The following GRID1 variants were observed in gnomAD, a reference collection of about 807,000 sequenced individuals.
GRID1 encodes the protein glutamate ionotropic receptor delta type subunit 1.
In GRID1, 28 loss-of-function variants were observed where a neutral mutation model predicts 98.0. The ratio of observed to expected loss-of-function variants is 0.29; its 90% CI spans 0.21 to 0.39. The LOEUF (loss-of-function observed/expected upper bound fraction) is 0.39, where lower values mean the gene tolerates loss of function less well. Among genes scored for constraint, GRID1 ranks in the 10% least tolerant of loss-of-function variants. The probability of loss-of-function intolerance (pLI) is 1.00; values close to 1 mark genes in which losing one functional copy is unlikely to be tolerated. For synonymous variants in GRID1, 553 were observed against 538.5 expected, an observed-to-expected ratio of 1.03 and a Z score of -0.37; for missense variants, 1,111 against 1,340.5, an observed-to-expected ratio of 0.83 and a Z score of 2.67.
At chr10:86,293,615 C>A (rs1847547022) in intron 2 of GRID1, among the ~76,000 whole-genome samples, 1 of 152,204 alleles carries the variant, frequency 6.6e-6, no homozygotes, top group Non-Finnish European at 1.5e-5. Context: ...CACAAAGCAA[C>A]CTGCTGCTTC....
At chr10:86,194,063 G>T (rs1442831005) in intron 3 of GRID1, among the ~76,000 whole-genome samples, 1 of 152,050 alleles carries the variant, frequency 6.6e-6, no homozygotes, top group Non-Finnish European at 1.5e-5. Flanking sequence ...GCCAGAACAA[G>T]GTCTGTTCTC....
chr10:86,243,120 G>A (rs908772037), intron 2 of GRID1, among the ~76,000 whole-genome samples: 2 of 152,184 alleles, frequency 1.3e-5, no homozygotes, highest in African/African-American at 4.8e-5. Flanking sequence ...TGCTGCTGCT[G>A]CTATCTGACA....
At chr10:86,112,691 G>A (rs570580278) in intron 4 of GRID1, among the ~76,000 whole-genome samples, 111 of 152,230 alleles carry the variant, frequency 7.3e-4, no homozygotes, top group African/African-American at 2.6e-3. Flanking sequence ...AATGAGGACG[G>A]GCCTTCTCCA....
chr10:85,800,738 T>C (rs1842567560), intron 8 of GRID1, among the ~76,000 whole-genome samples: 1 of 152,088 alleles, frequency 6.6e-6, no homozygotes, highest in African/African-American at 2.4e-5. Context: ...TATATATTAC[T>C]TTCTATGTGT....
intron 2 of GRID1, among the ~76,000 whole-genome samples, chr10:86,307,349 G>A (rs1458677878): frequency 1.3e-5 from 2 of 152,200 alleles, no homozygotes; most frequent in Non-Finnish European, 2.9e-5. Context: ...ATACACAATG[G>A]AATTCAGCCT....
chr10:86,084,193 G>A (rs9663244), intron 4 of GRID1, among the ~76,000 whole-genome samples: 24,593 of 151,978 alleles, frequency 0.16, 2,155 homozygotes, highest in African/African-American at 0.22. Context: ...TGAAGGAGGC[G>A]CCCTAGGTGC....
chr10:86,146,530 C>T (rs1414692667), intron 3 of GRID1, among the ~76,000 whole-genome samples: 3 of 152,206 alleles, frequency 2.0e-5, no homozygotes, highest in African/African-American at 7.2e-5. Flanking sequence ...TGCTGTGGCT[C>T]CAATCACAGG....
At chr10:85,896,280 G>A (rs2131812692) in intron 5 of GRID1, among the ~76,000 whole-genome samples, 1 of 152,212 alleles carries the variant, frequency 6.6e-6, no homozygotes, top group South Asian at 2.1e-4. Flanking sequence ...ATAATAATCA[G>A]AACTTTTACT....
chr10:86,030,233 C>T (rs1444933135), intron 4 of GRID1, among the ~76,000 whole-genome samples: 3 of 152,114 alleles, frequency 2.0e-5, no homozygotes, highest in Admixed American at 6.6e-5. Flanking sequence ...ATGGTAAATG[C>T]TTTTCCTAAA....
At chr10:86,200,353 C>T (rs1845929928) in intron 3 of GRID1, among the ~76,000 whole-genome samples, 1 of 152,194 alleles carries the variant, frequency 6.6e-6, no homozygotes, top group South Asian at 2.1e-4. Context: ...GAGCTTTCTT[C>T]AGTTGCCACC....
chr10:86,354,067 G>GTTCT (rs1848500396), intron 2 of GRID1, among the ~76,000 whole-genome samples: 2 of 152,220 alleles, frequency 1.3e-5, no homozygotes, highest in African/African-American at 4.8e-5. Flanking sequence ...AAAGGCAGAA[G>GTTCT]GCCCACGGCC....
chr10:86,178,037 T>C (rs927334554), intron 3 of GRID1, among the ~76,000 whole-genome samples: 1 of 151,932 alleles, frequency 6.6e-6, no homozygotes, highest in Admixed American at 6.6e-5. Flanking sequence ...GGTGTGAGTT[T>C]TCAAGTGAGG....
rs190843013 is a variant in GRID1, at chr10:85,743,541, G to C, written c.1234-13927C>G. Among the ~76,000 whole-genome samples the C allele has an allele frequency of 2.0e-5, 3 of 152,268 alleles. No individual in the cohort carries two copies. In the East Asian group the frequency reaches 5.8e-4, roughly 29 times the overall value. On this transcript the variant is annotated intron_variant, in intron 8 of 15. Transcript: ENST00000327946. ...GGAATTGGCTTTGAGACTGTGTCTA[G>C]GAAGGAAGATAGGAGAACCTTAAGG...
intron 4 of GRID1, among the ~76,000 whole-genome samples, chr10:86,067,797 C>G (rs1281329238): frequency 6.6e-6 from 1 of 152,230 alleles, no homozygotes; most frequent in African/African-American, 2.4e-5. Flanking sequence ...GCCATGATGA[C>G]TCTGTGGTGC....
At chr10:86,316,379 C>A (rs564992617) in intron 2 of GRID1, among the ~76,000 whole-genome samples, 152 of 152,388 alleles carry the variant, frequency 1.0e-3, no homozygotes, top group African/African-American at 3.2e-3. Context: ...CCCTGACTTG[C>A]AAGGGAACCC....
intron 8 of GRID1, among the ~76,000 whole-genome samples, chr10:85,753,902 G>A (rs995518412): frequency 6.6e-6 from 1 of 152,194 alleles, no homozygotes; most frequent in African/African-American, 2.4e-5. Flanking sequence ...GCCTTTGCTT[G>A]TATGGCCCTT....
intron 4 of GRID1, among the ~76,000 whole-genome samples, chr10:85,977,800 G>A (rs961919653): frequency 2.6e-5 from 4 of 152,090 alleles, no homozygotes; most frequent in African/African-American, 7.2e-5. Context: ...CCTCCCCGCC[G>A]ACCCAGTGAA....
chr10:86,116,000 G>A (rs1433962510), intron 4 of GRID1, among the ~76,000 whole-genome samples: 1 of 152,174 alleles, frequency 6.6e-6, no homozygotes. Flanking sequence ...ATGCTATGCA[G>A]GTTTGTAGCA....
chr10:85,810,352 C>T (rs1171929150), intron 8 of GRID1, among the ~76,000 whole-genome samples: 1 of 152,230 alleles, frequency 6.6e-6, no homozygotes, highest in Non-Finnish European at 1.5e-5. Flanking sequence ...CCTTACCACA[C>T]TGCAGGTAAG....
Sources: allele counts gnomAD v4.1 joint callset (sites outside exome capture counted in the v4.1 genomes callset), GRCh38; gene constraint gnomAD v4.1.1; transcripts MANE v1.5; gene names NCBI Gene and HGNC (gene_info 2026-07-23, HGNC 2026-07-21).